The following LDB2 variants were observed in gnomAD, a reference collection of about 807,000 sequenced individuals.
LDB2 encodes LIM domain-binding protein 2.
Under a neutral mutation model 44.3 loss-of-function variants are expected in LDB2, and 12 were observed. That is an observed-to-expected ratio of 0.27 (90% CI 0.17 to 0.44). LDB2 has a LOEUF of 0.44. Among genes scored for constraint, LDB2 ranks in the 20% least tolerant of loss-of-function variants. The pLI, the probability that LDB2 is intolerant of heterozygous loss-of-function variation, is 1.00. For synonymous variants in LDB2, 164 were observed against 174.8 expected, an observed-to-expected ratio of 0.94 and a Z score of 0.49; for missense variants, 344 against 473.5, an observed-to-expected ratio of 0.73 and a Z score of 2.54.
chr4:16,594,554 G>T (rs930601289), intron 3 of LDB2, among the ~76,000 whole-genome samples: 7 of 152,166 alleles, frequency 4.6e-5, no homozygotes, highest in African/African-American at 1.2e-4. Context: ...GGTATTTGAT[G>T]ATTTGTTTTT....
intron 2 of LDB2, among the ~76,000 whole-genome samples, chr4:16,665,987 C>A (rs375782508): frequency 6.6e-6 from 1 of 152,098 alleles, no homozygotes; most frequent in Non-Finnish European, 1.5e-5. Context: ...AGGATGGGGG[C>A]CTGGAACAAT....
At chr4:16,646,404 C>G (rs1736805911) in intron 2 of LDB2, among the ~76,000 whole-genome samples, 1 of 152,212 alleles carries the variant, frequency 6.6e-6, no homozygotes, top group Admixed American at 6.5e-5. Flanking sequence ...TATAAAAACA[C>G]TTTGCCATGT....
intron 2 of LDB2, among the ~76,000 whole-genome samples, chr4:16,689,707 T>A (rs966026937): frequency 2.6e-5 from 4 of 152,212 alleles, no homozygotes; most frequent in African/African-American, 9.6e-5. Context: ...ATATGGGACC[T>A]AGGCCCCTGA....
chr4:16,647,663 T>C (rs1052428191), intron 2 of LDB2, among the ~76,000 whole-genome samples: 1 of 152,036 alleles, frequency 6.6e-6, no homozygotes, highest in African/African-American at 2.4e-5. Flanking sequence ...AGAAAGACGA[T>C]CATGTTTCCC....
chr4:16,563,429 A>ATTGTTTTTTTTTTTTT (rs1743220412), intron 5 of LDB2, among the ~76,000 whole-genome samples: 1 of 46,534 alleles, frequency 2.1e-5, no homozygotes, highest in African/African-American at 8.7e-5. Context: ...CAGTCATCAG[A>ATTGTTTTTTTTTTTTT]TTTTTTTTTT....
chr4:16,862,989 A>G (rs560652018), intron 1 of LDB2, among the ~76,000 whole-genome samples: 2 of 152,296 alleles, frequency 1.3e-5, no homozygotes, highest in South Asian at 4.1e-4. Flanking sequence ...GGCGCCATCC[A>G]TCACCAGTGC....
Position 16,842,052 on chromosome 4 carries a change from A to G in LDB2, c.132+56302T>C, listed in dbSNP as rs546599733. ...CCTCTTGGGGAACTCATCTATTTTC[A>G]TGGCTTTGGTGAGCACATTTTAAAG... On this transcript the variant is annotated intron_variant, in intron 1 of 7. Transcript: ENST00000304523. Among the ~76,000 whole-genome samples, 35 of 152,302 alleles carry G rather than the reference A, an allele frequency of 2.3e-4. No homozygotes were observed. The South Asian group carries it at 6.6e-3, about 29-fold the overall frequency.
chr4:16,690,730 A>G (rs2152594494), intron 2 of LDB2, among the ~76,000 whole-genome samples: 1 of 152,262 alleles, frequency 6.6e-6, no homozygotes, highest in South Asian at 2.1e-4. Context: ...GTTAAGTTTG[A>G]TTAGAACTTC....
intron 2 of LDB2, among the ~76,000 whole-genome samples, chr4:16,686,118 C>T (rs1236156880): frequency 6.6e-6 from 1 of 152,106 alleles, no homozygotes; most frequent in Non-Finnish European, 1.5e-5. Context: ...ATTAAGAATT[C>T]AGTTTCCCTG....
At chr4:16,696,373 A>G (rs1236835678) in intron 2 of LDB2, among the ~76,000 whole-genome samples, 1 of 152,230 alleles carries the variant, frequency 6.6e-6, no homozygotes, top group East Asian at 1.9e-4. Context: ...TAATGCACTA[A>G]TGACGATTAT....
intron 1 of LDB2, among the ~76,000 whole-genome samples, chr4:16,806,844 T>A (rs1778886305): frequency 6.6e-6 from 1 of 151,866 alleles, no homozygotes; most frequent in African/African-American, 2.4e-5. Flanking sequence ...CTACTTCACC[T>A]CTTCTTGTTC....
chr4:16,656,582 A>C (rs770205844), intron 2 of LDB2, among the ~76,000 whole-genome samples: 6 of 152,250 alleles, frequency 3.9e-5, no homozygotes, highest in Non-Finnish European at 8.8e-5. Flanking sequence ...CTTTTCCACC[A>C]AGCATGACTT....
At chr4:16,535,003 A>G (rs558366524) in intron 5 of LDB2, among the ~76,000 whole-genome samples, 1 of 152,030 alleles carries the variant, frequency 6.6e-6, no homozygotes, top group South Asian at 2.1e-4. Flanking sequence ...GCCAGTCTCA[A>G]CTCTCCCCAA....
chr4:16,835,428 T>C (rs1208839359), intron 1 of LDB2, among the ~76,000 whole-genome samples: 6 of 152,204 alleles, frequency 3.9e-5, no homozygotes, highest in Non-Finnish European at 5.9e-5. Context: ...TTTTTGCAAG[T>C]CTTCTATGGT....
At chr4:16,678,027 C>T (rs972511476) in intron 2 of LDB2, among the ~76,000 whole-genome samples, 11 of 152,316 alleles carry the variant, frequency 7.2e-5, no homozygotes, top group African/African-American at 2.6e-4. Context: ...GTATTGGTGA[C>T]TTCCATTTGA....
rs56104433 is a variant in LDB2, at chr4:16,739,589, A to ATATAT, written c.235+19568_235+19569insATATA. On this transcript the variant is annotated intron_variant, in intron 2 of 7. Transcript: ENST00000304523. ...TGACAGAGGGAAAAAAAAAAAAAAA[A>ATATAT]ATATATATATATATATATATGTATA... Among the ~76,000 whole-genome samples, 148 of 64,290 alleles carry ATATAT rather than the reference A, an allele frequency of 2.3e-3. 32 individuals are homozygous for ATATAT. Among genetic ancestry groups the ATATAT allele is most frequent in the African/African-American group, 3.7e-3 (56 of 15,216 alleles). 42.2% of individuals were successfully genotyped at this position (64,290 alleles called of 152,430 possible).
intron 5 of LDB2, among the ~76,000 whole-genome samples, chr4:16,552,896 A>G (rs1738168548): frequency 1.3e-5 from 2 of 152,210 alleles, no homozygotes; most frequent in East Asian, 1.9e-4. Flanking sequence ...AACACAGCCT[A>G]GGACTCAGGA....
intron 2 of LDB2, among the ~76,000 whole-genome samples, chr4:16,758,215 T>C (rs1188448666): frequency 1.3e-5 from 2 of 152,196 alleles, no homozygotes; most frequent in Non-Finnish European, 2.9e-5. Context: ...TCTAGTGGCT[T>C]TGAAATAGAT....
chr4:16,642,375 A>G (rs147881665), intron 2 of LDB2, among the ~76,000 whole-genome samples: 1 of 152,168 alleles, frequency 6.6e-6, no homozygotes, highest in African/African-American at 2.4e-5. Flanking sequence ...ACAAAAACCC[A>G]CTCCTAATGG....
Sources: allele counts gnomAD v4.1 joint callset (sites outside exome capture counted in the v4.1 genomes callset), GRCh38; gene constraint gnomAD v4.1.1; transcripts MANE v1.5; gene names NCBI Gene and HGNC (gene_info 2026-07-23, HGNC 2026-07-21).